Variants in LTBP1 observed in about 807,000 individuals in gnomAD.
The protein encoded by LTBP1 is latent-transforming growth factor beta-binding protein 1.
A neutral mutation model predicts 207.6 loss-of-function variants in LTBP1; 129 were observed. The ratio of observed to expected loss-of-function variants is 0.62; its 90% CI spans 0.54 to 0.72. The LOEUF is 0.72. Among genes scored for constraint, LTBP1 ranks in the 30% least tolerant of loss-of-function variants. The probability of loss-of-function intolerance (pLI) is 0.00; values close to 1 mark genes in which losing one functional copy is unlikely to be tolerated. For synonymous variants in LTBP1, 963 were observed against 833.7 expected, an observed-to-expected ratio of 1.16 and a Z score of -2.67; for missense variants, 2,281 against 2,217.2, an observed-to-expected ratio of 1.03 and a Z score of -0.58.
At chr2:33,305,248 C>T (rs147284133) in intron 22 of LTBP1, among the ~76,000 whole-genome samples, 162 of 152,230 alleles carry the variant, frequency 1.1e-3, no homozygotes, top group African/African-American at 3.7e-3. Context: ...CACTCGAACC[C>T]AGGAGGCAGA....
At chr2:33,047,541 G>A (rs1323265185) in intron 3 of LTBP1, among the ~76,000 whole-genome samples, 3 of 152,106 alleles carry the variant, frequency 2.0e-5, no homozygotes, top group Admixed American at 6.5e-5. Flanking sequence ...CCAGTTATGT[G>A]GTCAGTTTTA....
chr2:33,078,652 T>C (rs948789218), intron 3 of LTBP1, among the ~76,000 whole-genome samples: 3 of 152,186 alleles, frequency 2.0e-5, no homozygotes, highest in African/African-American at 7.2e-5. Context: ...AGTCACAGTT[T>C]AACCACAGGT....
chr2:33,055,813 C>G (rs563494290), intron 3 of LTBP1, among the ~76,000 whole-genome samples: 421 of 152,276 alleles, frequency 2.8e-3, no homozygotes, highest in Admixed American at 4.1e-3. Flanking sequence ...TTCCCCTCCC[C>G]CTACAGCTTG....
At chr2:33,289,711 A>G (rs1402347126) in intron 19 of LTBP1, among the ~76,000 whole-genome samples, 2 of 152,140 alleles carry the variant, frequency 1.3e-5, no homozygotes, top group African/African-American at 2.4e-5. Flanking sequence ...ATATTTCCTA[A>G]CAGATAAAAC....
chr2:33,161,058 T>C (rs181026922), intron 5 of LTBP1, among the ~76,000 whole-genome samples: 1 of 152,248 alleles, frequency 6.6e-6, no homozygotes, highest in African/African-American at 2.4e-5. Flanking sequence ...ACTCTGCCAT[T>C]TATTAATAGT....
chr2:33,223,824 T>C (rs1263863863), intron 9 of LTBP1, among the ~76,000 whole-genome samples: 1 of 152,130 alleles, frequency 6.6e-6, no homozygotes, highest in Non-Finnish European at 1.5e-5. Flanking sequence ...GAAACATGAG[T>C]GTGTTTAGCA....
At chr2:33,138,923 A>G (rs2082384910) in intron 5 of LTBP1, among the ~76,000 whole-genome samples, 1 of 123,622 alleles carries the variant, frequency 8.1e-6, no homozygotes, top group South Asian at 2.6e-4. Flanking sequence ...CAGTGGCGCG[A>G]TCTCGGCTCA....
chr2:33,296,986 A>G (rs2093889473), intron 20 of LTBP1, among the ~76,000 whole-genome samples: 1 of 152,230 alleles, frequency 6.6e-6, no homozygotes, highest in Non-Finnish European at 1.5e-5. Context: ...TTGCTAAATT[A>G]GAGGCATAAA....
intron 20 of LTBP1, among the ~76,000 whole-genome samples, chr2:33,296,593 C>T (rs542711463): frequency 1.3e-5 from 2 of 152,106 alleles, no homozygotes; most frequent in Non-Finnish European, 2.9e-5. Context: ...ATGAATGGCT[C>T]ATTACCACTG....
chr2:33,369,140 A>G (rs576006325), intron 31 of LTBP1, among the ~76,000 whole-genome samples: 1 of 152,318 alleles, frequency 6.6e-6, no homozygotes, highest in East Asian at 1.9e-4. Context: ...TACATATTAT[A>G]TAATATTTTT....
At chr2:33,268,964 C>T (rs1293979054) in intron 15 of LTBP1, among the ~76,000 whole-genome samples, 1 of 152,116 alleles carries the variant, frequency 6.6e-6, no homozygotes, top group African/African-American at 2.4e-5. Context: ...TTTTCCAGAA[C>T]TCAGAAATGA....
intron 31 of LTBP1, among the ~76,000 whole-genome samples, chr2:33,374,876 C>T (rs998364446): frequency 1.3e-5 from 2 of 152,012 alleles, no homozygotes; most frequent in Admixed American, 6.5e-5. Flanking sequence ...CGCTTGAACC[C>T]GGGAGGTGGC....
intron 5 of LTBP1, among the ~76,000 whole-genome samples, chr2:33,186,577 T>C (rs2087226672): frequency 6.6e-6 from 1 of 152,188 alleles, no homozygotes; most frequent in Admixed American, 6.5e-5. Flanking sequence ...GGCTACTGTA[T>C]ATACACACTC....
chr2:33,147,401 C>T (rs1227346960), intron 5 of LTBP1, among the ~76,000 whole-genome samples: 1 of 152,150 alleles, frequency 6.6e-6, no homozygotes, highest in Non-Finnish European at 1.5e-5. Context: ...TGCATTTCTA[C>T]CACATGCTCT....
At chr2:33,315,360 G>T in intron 24 of LTBP1, 91 bp downstream of exon 24, 2 of 1,496,374 alleles carry the variant, frequency 1.3e-6, no homozygotes, top group Non-Finnish European at 9.1e-7. Flanking sequence ...ACACTAAGAG[G>T]TACTGCATAA....
chr2:33,191,223 A>G (rs1258817967), intron 7 of LTBP1, among the ~76,000 whole-genome samples: 1 of 152,218 alleles, frequency 6.6e-6, no homozygotes, highest in Admixed American at 6.5e-5. Flanking sequence ...ATATTAGGTG[A>G]TTGTTAACAA....
At chr2:32,989,209 G>A (rs1684045212) in intron 2 of LTBP1, among the ~76,000 whole-genome samples, 1 of 152,186 alleles carries the variant, frequency 6.6e-6, no homozygotes, top group Admixed American at 6.5e-5. Context: ...AAATGAACAT[G>A]TGTGAGATTT....
chr2:33,022,488 T>C (rs1036582447), intron 3 of LTBP1, among the ~76,000 whole-genome samples: 6 of 152,180 alleles, frequency 3.9e-5, no homozygotes, highest in Non-Finnish European at 5.9e-5. Context: ...TAAACACTTA[T>C]TGTGTATTGT....
intron 31 of LTBP1, among the ~76,000 whole-genome samples, chr2:33,369,477 A>G (rs1005665073): frequency 2.0e-5 from 3 of 152,366 alleles, no homozygotes; most frequent in African/African-American, 4.8e-5. Context: ...GAAGGACCCC[A>G]GGGTTCCAGG....
Sources: gnomAD v4.1 joint callset for allele counts (sites outside exome capture counted in the v4.1 genomes callset) on GRCh38, gnomAD v4.1.1 for gene constraint, MANE v1.5 for transcripts, NCBI Gene and HGNC (gene_info 2026-07-23, HGNC 2026-07-21) for gene names.